The following NTM variants were observed in gnomAD, a reference collection of about 807,000 sequenced individuals.
NTM encodes the protein neurotrimin.
Under a neutral mutation model 42.1 loss-of-function variants are expected in NTM, and 13 were observed. The ratio of observed to expected loss-of-function variants is 0.31; its 90% CI spans 0.20 to 0.49. NTM has a LOEUF of 0.49. NTM is among the 20% of genes least tolerant of loss of function. The pLI, the probability that NTM is intolerant of heterozygous loss-of-function variation, is 0.99. For synonymous variants in NTM, 187 were observed against 179.2 expected (o/e 1.04, Z -0.35); for missense variants, 373 against 452.8 (o/e 0.82, Z 1.60).
intron 7 of NTM, among the ~76,000 whole-genome samples, chr11:132,329,265 G>A (rs957886363): frequency 3.3e-5 from 5 of 152,192 alleles, no homozygotes; most frequent in Admixed American, 3.3e-4. Flanking sequence ...TCTGTATCCA[G>A]GGTGAACGAC....
At chr11:132,158,486 C>T (rs753976982) in intron 3 of NTM, among the ~76,000 whole-genome samples, 1 of 152,162 alleles carries the variant, frequency 6.6e-6, no homozygotes, top group African/African-American at 2.4e-5. Context: ...TGGATATTTC[C>T]GTGTTGGAGA....
At chr11:131,738,147 G>A (rs115560977) in intron 1 of NTM, among the ~76,000 whole-genome samples, 338 of 152,274 alleles carry the variant, frequency 2.2e-3, no homozygotes, top group African/African-American at 7.6e-3. Context: ...GCCGGGGCCA[G>A]CCCTCACTCC....
chr11:131,916,229 C>T (rs2056336045), intron 2 of NTM, among the ~76,000 whole-genome samples: 1 of 152,190 alleles, frequency 6.6e-6, no homozygotes, highest in Non-Finnish European at 1.5e-5. Flanking sequence ...TCAGAGAGCC[C>T]CAGAAGCCCC....
At chr11:132,121,877 C>T (rs186199301) in intron 2 of NTM, among the ~76,000 whole-genome samples, 7 of 152,292 alleles carry the variant, frequency 4.6e-5, no homozygotes, top group Admixed American at 6.5e-5. Flanking sequence ...ACTTCTTTGA[C>T]GAGTGTTTTG....
intron 1 of NTM, among the ~76,000 whole-genome samples, chr11:131,471,231 GATTTCTCT>G (rs577462038): frequency 2.5e-4 from 38 of 152,298 alleles, no homozygotes; most frequent in African/African-American, 8.9e-4. Flanking sequence ...TTCTATCTGT[GATTTCTCT>G]AAACACAATG....
intron 1 of NTM, among the ~76,000 whole-genome samples, chr11:131,892,821 C>T (rs1388576379): frequency 1.3e-5 from 2 of 152,234 alleles, no homozygotes; most frequent in East Asian, 1.9e-4. Context: ...CACTGTGAAG[C>T]GGGGCATCTC....
chr11:131,989,501 G>T (rs1435859610), intron 2 of NTM, among the ~76,000 whole-genome samples: 1 of 152,118 alleles, frequency 6.6e-6, no homozygotes, highest in Non-Finnish European at 1.5e-5. Context: ...AAATGCCAAT[G>T]TACTAAATGT....
At chr11:131,378,002 C>T (rs376876488) in intron 1 of NTM, among the ~76,000 whole-genome samples, 1 of 152,228 alleles carries the variant, frequency 6.6e-6, no homozygotes, top group African/African-American at 2.4e-5. Flanking sequence ...TAGGTGCAAT[C>T]TGCATTTATT....
chr11:131,845,486 C>T (rs145046666), intron 1 of NTM, among the ~76,000 whole-genome samples: 39 of 152,244 alleles, frequency 2.6e-4, no homozygotes, highest in Non-Finnish European at 4.3e-4. Flanking sequence ...TGCAGAGTCT[C>T]AGGCCCTCCC....
intron 7 of NTM, chr11:132,317,694 A>G (rs1158931122): frequency 1.5e-6 from 2 of 1,302,484 alleles, no homozygotes; most frequent in Admixed American, 2.3e-5. Context: ...TTGCAAGGTC[A>G]GTATCTTCCT....
chr11:132,101,797 C>A (rs929287168), intron 2 of NTM, among the ~76,000 whole-genome samples: 11 of 152,168 alleles, frequency 7.2e-5, no homozygotes, highest in Non-Finnish European at 1.5e-4. Context: ...ATTTCCCTGC[C>A]TCCTGTCCTG....
chr11:131,748,055 C>G (rs1469975359), intron 1 of NTM, among the ~76,000 whole-genome samples: 2 of 152,184 alleles, frequency 1.3e-5, no homozygotes, highest in Admixed American at 6.5e-5. Flanking sequence ...GTACAAGAAG[C>G]GTTGATGGTA....
At chr11:131,994,017 A>AAAAAGAAG (rs566525065) in intron 2 of NTM, among the ~76,000 whole-genome samples, 3 of 137,998 alleles carry the variant, frequency 2.2e-5, no homozygotes, top group Admixed American at 7.3e-5. Context: ...AAAAAAAAAA[A>AAAAAGAAG]AAGAAGAAGA....
chr11:132,038,935 A>C (rs2076839117), intron 2 of NTM, among the ~76,000 whole-genome samples: 1 of 151,940 alleles, frequency 6.6e-6, no homozygotes, highest in African/African-American at 2.4e-5. Flanking sequence ...CCATTTCCCA[A>C]CATGCTTCTT....
intron 1 of NTM, among the ~76,000 whole-genome samples, chr11:131,616,943 A>C (rs551791452): frequency 6.6e-6 from 1 of 152,232 alleles, no homozygotes; most frequent in African/African-American, 2.4e-5. Context: ...CCTTGAAATA[A>C]GTTCCAGGAT....
intron 1 of NTM, among the ~76,000 whole-genome samples, chr11:131,493,602 A>G (rs1278378165): frequency 6.6e-6 from 1 of 152,222 alleles, no homozygotes; most frequent in Non-Finnish European, 1.5e-5. Context: ...TGTATTGGGT[A>G]ACTCACGTGT....
At chr11:132,321,719 A>AT (rs1484732159) in intron 7 of NTM, among the ~76,000 whole-genome samples, 1 of 151,248 alleles carries the variant, frequency 6.6e-6, no homozygotes, top group African/African-American at 2.4e-5. Context: ...TCCAAGACAC[A>AT]TAATTGTCAG....
chr11:131,971,747 A>G (rs1245270675), intron 2 of NTM, among the ~76,000 whole-genome samples: 3 of 122,876 alleles, frequency 2.4e-5, no homozygotes, highest in East Asian at 4.6e-4. Context: ...TCTACAAAAA[A>G]AAGAAAAAAA....
In NTM at chr11:132,103,408, TAC is replaced by T. The variant is rs570870895; in HGVS notation, c.168-42872_168-42871del. Reference sequence around the variant, plus strand: ...TTGCTGTGGAGCACACCACTACAAATACAGTCTCCAGCTTAGGAACGTTGAGA... The same window carrying T: ...TTGCTGTGGAGCACACCACTACAAATAGTCTCCAGCTTAGGAACGTTGAGA... On this transcript the variant is annotated intron_variant, in intron 2 of 8. Coordinates refer to ENST00000683400, the MANE Select transcript of NTM (RefSeq NM_001352005.2). Among the ~76,000 whole-genome samples the T allele has an allele frequency of 1.9e-3, 292 of 152,352 alleles. 1 individual carries two copies. Among genetic ancestry groups the T allele is most frequent in the Non-Finnish European group, 3.1e-3 (211 of 68,032 alleles).
Sources: gnomAD v4.1 joint callset for allele counts (sites outside exome capture counted in the v4.1 genomes callset) on GRCh38, gnomAD v4.1.1 for gene constraint, MANE v1.5 for transcripts, NCBI Gene and HGNC (gene_info 2026-07-23, HGNC 2026-07-21) for gene names.